MAST2: variants seen among roughly 807,000 people sequenced by gnomAD.
MAST2 encodes microtubule-associated serine/threonine-protein kinase 2.
Under a neutral mutation model 147.4 loss-of-function variants are expected in MAST2, and 70 were observed. The observed-to-expected ratio is 0.47, with a 90% confidence interval of 0.39 to 0.58. The LOEUF (loss-of-function observed/expected upper bound fraction) is 0.58. Among genes scored for constraint, MAST2 ranks in the 20% least tolerant of loss-of-function variants. The probability of loss-of-function intolerance (pLI) is 0.00; values close to 1 mark genes in which losing one functional copy is unlikely to be tolerated. For missense variants in MAST2, 2,080 were observed against 2,302.3 expected, an observed-to-expected ratio of 0.90 and a Z score of 1.98; for synonymous variants, 869 against 896.8, an observed-to-expected ratio of 0.97 and a Z score of 0.55.
At chr1:45,974,811 C>G (rs1189707708) in intron 5 of MAST2, among the ~76,000 whole-genome samples, 1 of 152,156 alleles carries the variant, frequency 6.6e-6, no homozygotes, top group Admixed American at 6.5e-5. Context: ...TCTGAAACTT[C>G]TCAGGCTAGG....
At chr1:45,917,791 T>G (rs777520512) in intron 4 of MAST2, among the ~76,000 whole-genome samples, 1 of 152,196 alleles carries the variant, frequency 6.6e-6, no homozygotes, top group African/African-American at 2.4e-5. Flanking sequence ...TTGTGAACTA[T>G]GACCTGTGAC....
At chr1:45,958,992 G>A (rs1660032174) in intron 4 of MAST2, among the ~76,000 whole-genome samples, 1 of 152,130 alleles carries the variant, frequency 6.6e-6, no homozygotes. Context: ...ATAGTTTTGG[G>A]GGGTTCTTAG....
chr1:45,993,124 A>C (rs1273228590), intron 5 of MAST2, among the ~76,000 whole-genome samples: 1 of 151,986 alleles, frequency 6.6e-6, no homozygotes, highest in Non-Finnish European at 1.5e-5. Context: ...ATTATTTAAT[A>C]GTAATAATAT....
chr1:46,023,473 T>C lies in MAST2; in HGVS notation c.1571+155T>C. The C allele has an allele frequency of 1.5e-6, 1 of 673,278 alleles. No individual in the cohort carries two copies. The highest frequency in any genetic ancestry group is 2.6e-6 in the Non-Finnish European group (1 of 381,596). 41.7% of individuals were successfully genotyped at this position (673,278 alleles called of 1,614,324 possible). A position where few individuals can be genotyped will look rare whatever the true frequency, so the allele number is the denominator to read the frequency against. ...CTCCTGGGTGGGCAGGAGTTCAGAT[T>C]CCTCTGACATCCGATCATTGTTCCT... On this transcript the variant is annotated intron_variant, in intron 14 of 28. Transcript: ENST00000361297. This position sits in a 1 kb window ranked among gnomAD's most constrained non-coding sequence, Gnocchi z 4.9.
At chr1:45,876,886 T>G (rs1646628417) in intron 3 of MAST2, among the ~76,000 whole-genome samples, 1 of 152,188 alleles carries the variant, frequency 6.6e-6, no homozygotes, top group African/African-American at 2.4e-5. Context: ...GGAAATTTTA[T>G]TATTGTTAGC....
Position 46,032,299 on chromosome 1 carries a change from T to C in MAST2, c.3309T>C (p.Pro1103=). Residue 1103 remains proline (P), a synonymous_variant, in exon 25 of 29, where the codon CCT becomes CCC. Transcript: ENST00000361297. ...TGCCAGCCCTTGGCAGCATGAGGCC[T>C]CCCATCATCATCCACCGAGCTGGCA... is the stretch of plus-strand genomic sequence containing the variant. The part of the protein sequence containing the change: ...DFLPALGSMR[P]PIIIHRAGKK... 1 of 1,614,130 alleles carries C rather than the reference T, an allele frequency of 6.2e-7. No individual in the cohort carries two copies.
At chr1:46,033,729 G>T in intron 26 of MAST2, 73 bp from the exon 27 acceptor site, 1 of 1,575,760 alleles carries the variant, frequency 6.3e-7, no homozygotes, top group South Asian at 1.2e-5. Context: ...CATGCCAGAA[G>T]GGAAGGATTG....
intron 9 of MAST2, among the ~76,000 whole-genome samples, chr1:46,008,831 CAGA>C (rs992596606): frequency 1.3e-5 from 2 of 152,162 alleles, no homozygotes; most frequent in Non-Finnish European, 2.9e-5. Flanking sequence ...AGTACACAGA[CAGA>C]AGTAGGCTGC....
chr1:45,981,676 A>C (rs76646795), intron 5 of MAST2, among the ~76,000 whole-genome samples: 6,383 of 152,216 alleles, frequency 0.042, 455 homozygotes, highest in African/African-American at 0.15. Flanking sequence ...TCAGAAATGT[A>C]CAAGGGCAGC....
Position 46,023,302 on chromosome 1 carries a change from A to C in MAST2, c.1555A>C (p.Ser519Arg), listed in dbSNP as rs781306104. ...EEDFETIKLI[S>R]NGAYGAVFLV... Reference sequence around the variant, plus strand: ...GGACTTCGAGACCATTAAGCTCATCAGCAATGGCGCCTATGGGTAAAGGCA... The same window carrying C: ...GGACTTCGAGACCATTAAGCTCATCCGCAATGGCGCCTATGGGTAAAGGCA... Residue 519 changes from serine (S) to arginine (R), a missense_variant, in exon 14 of 29, where the codon AGC becomes CGC. By Grantham distance (110) the Ser-to-Arg change is moderately radical (BLOSUM62 -1). Coordinates refer to ENST00000361297, the MANE Select transcript of MAST2 (RefSeq NM_015112.3). The surrounding 1 kb of genome is among the most constrained non-coding windows in gnomAD (Gnocchi z 4.9). The C allele has an allele frequency of 1.2e-6, 2 of 1,614,150 alleles. No individual in the cohort carries two copies. The highest frequency in any genetic ancestry group is 4.5e-5 in the East Asian group (2 of 44,892).
At chr1:45,924,573 C>A (rs1654055560) in intron 4 of MAST2, among the ~76,000 whole-genome samples, 1 of 152,154 alleles carries the variant, frequency 6.6e-6, no homozygotes, top group Admixed American at 6.5e-5. Flanking sequence ...TCCTGTACCC[C>A]ACTGCAGCCA....
At chr1:45,922,891 C>T (rs1362046553) in intron 4 of MAST2, among the ~76,000 whole-genome samples, 1 of 152,188 alleles carries the variant, frequency 6.6e-6, no homozygotes, top group African/African-American at 2.4e-5. Context: ...TGGGCTGCTC[C>T]AACGCATCGA....
In MAST2 at chr1:45,811,500, G is replaced by A. The variant is rs1452065123; in HGVS notation, c.177+7428G>A. On this transcript the variant is annotated intron_variant, in intron 1 of 28. Coordinates refer to ENST00000361297, the MANE Select transcript of MAST2 (RefSeq NM_015112.3). Reference sequence around the variant, plus strand: ...ACTACAGGCGCCCACCACCACGCTCGGCTAATTTTTTTGTATTTTTAGTAG... The same window carrying A: ...ACTACAGGCGCCCACCACCACGCTCAGCTAATTTTTTTGTATTTTTAGTAG... Among the ~76,000 whole-genome samples the A allele has an allele frequency of 1.4e-3, 190 of 138,510 alleles. 1 individual carries two copies. Among genetic ancestry groups the A allele is most frequent in the Middle Eastern group, 9.3e-3 (2 of 216 alleles). 90.9% of individuals were successfully genotyped at this position (138,510 alleles called of 152,430 possible).
chr1:45,984,985 TTATTTA>T (rs1644555683), intron 5 of MAST2, among the ~76,000 whole-genome samples: 1 of 152,248 alleles, frequency 6.6e-6, no homozygotes, highest in Non-Finnish European at 1.5e-5. Context: ...TTTGTTTTAC[TTATTTA>T]TATTTATTTT....
At chr1:45,960,517 A>G (rs1038215629) in intron 5 of MAST2, among the ~76,000 whole-genome samples, 5 of 152,190 alleles carry the variant, frequency 3.3e-5, no homozygotes, top group African/African-American at 1.2e-4. Context: ...AAAGAAAAAA[A>G]GAAAAGAAAA....
At chr1:46,018,499 A>T (rs1204562947) in intron 10 of MAST2, among the ~76,000 whole-genome samples, 2 of 152,226 alleles carry the variant, frequency 1.3e-5, no homozygotes, top group African/African-American at 4.8e-5. Flanking sequence ...AATTGAAGCG[A>T]GGGATATAAC....
intron 8 of MAST2, chr1:46,006,616 C>T (rs1645499196): frequency 1.1e-5 from 4 of 353,632 alleles, no homozygotes; most frequent in African/African-American, 6.4e-5. Context: ...AAAAAAGTAG[C>T]AGGCCATAGT....
chr1:46,001,128 A>G (rs1645258479), intron 6 of MAST2: 1 of 549,088 alleles, frequency 1.8e-6, no homozygotes, highest in Non-Finnish European at 3.1e-6. Context: ...TGTCTTGCAA[A>G]GAGGCCCAAA....
rs116172244 is a variant in MAST2, at chr1:45,864,926, G to A, written c.469-17438G>A. Among the ~76,000 whole-genome samples the A allele has an allele frequency of 6.7e-3, 1,015 of 152,328 alleles. 12 individuals are homozygous for A. The highest frequency in any genetic ancestry group is 0.023 in the African/African-American group (976 of 41,566). On this transcript the variant is annotated intron_variant, in intron 3 of 28. Transcript: ENST00000361297. The stretch of plus-strand genomic sequence containing the variant: ...TATCTATACTTCTGTGAAGAAAGAC[G>A]TGATTCTGATATGAGGCAGTGATTG...
Sources: allele counts gnomAD v4.1 joint callset (sites outside exome capture counted in the v4.1 genomes callset), GRCh38; gene constraint gnomAD v4.1.1; non-coding constraint Gnocchi (gnomAD v3.1); transcripts MANE v1.5; gene names NCBI Gene and HGNC (gene_info 2026-07-23, HGNC 2026-07-21).